CTNND2: variants seen among roughly 807,000 people sequenced by gnomAD.
The protein encoded by CTNND2 is catenin delta 2, also known as catenin delta-2.
In CTNND2, 22 loss-of-function variants were observed where a neutral mutation model predicts 144.4. The observed-to-expected ratio is 0.15, with a 90% CI of 0.11 to 0.22. The LOEUF (loss-of-function observed/expected upper bound fraction) is 0.22. CTNND2 is among the 10% of genes least tolerant of loss of function. CTNND2 has a pLI of 1.00. For synonymous variants in CTNND2, 751 were observed against 695.6 expected, an observed-to-expected ratio of 1.08 and a Z score of -1.25; for missense variants, 1,353 against 1,618.8, an observed-to-expected ratio of 0.84 and a Z score of 2.82.
At chr5:11,273,003 C>CA (rs1746175413) in intron 9 of CTNND2, among the ~76,000 whole-genome samples, 1 of 152,032 alleles carries the variant, frequency 6.6e-6, no homozygotes, top group Non-Finnish European at 1.5e-5. Flanking sequence ...TAGGCATTCT[C>CA]ACAAAAAATA....
chr5:11,151,865 C>T (rs1447223641), intron 12 of CTNND2, among the ~76,000 whole-genome samples: 1 of 152,168 alleles, frequency 6.6e-6, no homozygotes, highest in Admixed American at 6.5e-5. Flanking sequence ...ATCCCCAATA[C>T]TATTTCAGGG....
chr5:11,787,536 G>T (rs34363846), intron 1 of CTNND2, among the ~76,000 whole-genome samples: 6,502 of 152,226 alleles, frequency 0.043, 206 homozygotes, highest in Non-Finnish European at 0.062. Context: ...TAAAGCATTT[G>T]TAATGTTACC....
intron 9 of CTNND2, among the ~76,000 whole-genome samples, chr5:11,248,183 C>G (rs1222536279): frequency 6.6e-6 from 1 of 152,090 alleles, no homozygotes; most frequent in East Asian, 1.9e-4. Flanking sequence ...GGATTTGATG[C>G]CCAAAATACT....
At chr5:11,626,784 C>A (rs1162449188) in intron 2 of CTNND2, among the ~76,000 whole-genome samples, 1 of 152,208 alleles carries the variant, frequency 6.6e-6, no homozygotes, top group Non-Finnish European at 1.5e-5. Context: ...TTAAACTTCA[C>A]ACGCAAATCG....
intron 8 of CTNND2, among the ~76,000 whole-genome samples, chr5:11,363,700 C>T (rs867596547): frequency 2.0e-5 from 3 of 152,286 alleles, no homozygotes; most frequent in Middle Eastern, 3.4e-3. Context: ...GCTTGGCTTG[C>T]CTTGATTTCA....
chr5:11,799,975 T>C (rs1791592449), intron 1 of CTNND2, among the ~76,000 whole-genome samples: 1 of 152,196 alleles, frequency 6.6e-6, no homozygotes, highest in Admixed American at 6.5e-5. Flanking sequence ...GTGGTAAAGT[T>C]TGACATTCCA....
chr5:11,174,812 T>C (rs759826823), intron 11 of CTNND2, among the ~76,000 whole-genome samples: 1 of 152,192 alleles, frequency 6.6e-6, no homozygotes, highest in South Asian at 2.1e-4. Flanking sequence ...GCAGCCTCTA[T>C]TATGATTGGA....
chr5:11,696,986 A>G (rs541825820), intron 2 of CTNND2, among the ~76,000 whole-genome samples: 15 of 151,186 alleles, frequency 9.9e-5, no homozygotes, highest in Non-Finnish European at 1.9e-4. Context: ...TAAATGATAG[A>G]TATTCAGAAA....
In CTNND2 at chr5:11,552,344, C is replaced by T. The variant is rs1775834344; in HGVS notation, c.287+12600G>A. The stretch of plus-strand genomic sequence containing the variant: ...CAACTTACAATATACTTATAAATTT[C>T]TTTTAAATTGTGTTCTCCCTCATAT... On this transcript the variant is annotated intron_variant, in intron 3 of 21. Coordinates refer to ENST00000304623, the MANE Select transcript of CTNND2 (RefSeq NM_001332.4). 2.0e-5 allele frequency among the ~76,000 whole-genome samples: 3 copies of T among 152,148 alleles called. No individual in the cohort carries two copies. In the South Asian group the frequency reaches 6.2e-4, roughly 32 times the overall value.
intron 1 of CTNND2, among the ~76,000 whole-genome samples, chr5:11,859,062 A>G (rs1316287052): frequency 6.6e-6 from 1 of 152,256 alleles, no homozygotes; most frequent in African/African-American, 2.4e-5. Context: ...AGTAGATTCT[A>G]TGATGGTCAA....
chr5:11,745,572 C>G lies in CTNND2; in HGVS notation c.38-13300G>C, dbSNP rs75608559. On this transcript the variant is annotated intron_variant, in intron 1 of 21. Transcript: ENST00000304623. Reference sequence around the variant, plus strand: ...TGAGACCTCACAGTTGATGTCCATACTATACATTTGTAATAAGCCACAATC... The same window carrying G: ...TGAGACCTCACAGTTGATGTCCATAGTATACATTTGTAATAAGCCACAATC... Among the ~76,000 whole-genome samples the G allele has an allele frequency of 5.5e-3, 840 of 152,286 alleles. 10 individuals carry two copies. Among genetic ancestry groups the G allele is most frequent in the African/African-American group, 0.019 (801 of 41,562 alleles).
intron 10 of CTNND2, among the ~76,000 whole-genome samples, chr5:11,202,178 A>ATG (rs760518011): frequency 3.9e-5 from 6 of 152,206 alleles, no homozygotes; most frequent in Non-Finnish European, 8.8e-5. Flanking sequence ...TTTTATTCAT[A>ATG]TGTATATATT....
At chr5:11,742,989 G>A (rs1788101716) in intron 1 of CTNND2, among the ~76,000 whole-genome samples, 2 of 152,104 alleles carry the variant, frequency 1.3e-5, no homozygotes. Context: ...TTCTCACTCA[G>A]AAGTGCTCTG....
chr5:11,666,991 C>T (rs1284076635), intron 2 of CTNND2, among the ~76,000 whole-genome samples: 2 of 151,990 alleles, frequency 1.3e-5, no homozygotes, highest in African/African-American at 4.8e-5. Context: ...TTGTTCAATG[C>T]CCACTTAGGA....
chr5:11,740,002 A>G (rs1289792206), intron 1 of CTNND2, among the ~76,000 whole-genome samples: 1 of 152,216 alleles, frequency 6.6e-6, no homozygotes, highest in Non-Finnish European at 1.5e-5. Context: ...GGACCTCTTC[A>G]AGGAGAACTA....
At chr5:11,890,022 T>C (rs1007795592) in intron 1 of CTNND2, among the ~76,000 whole-genome samples, 1 of 152,188 alleles carries the variant, frequency 6.6e-6, no homozygotes, top group Non-Finnish European at 1.5e-5. Flanking sequence ...AGAAAATAAA[T>C]CTACTTTCAT....
At chr5:11,726,827 G>C (rs554040531) in intron 2 of CTNND2, among the ~76,000 whole-genome samples, 5 of 152,260 alleles carry the variant, frequency 3.3e-5, no homozygotes, top group African/African-American at 1.2e-4. Context: ...ACAATCAAAT[G>C]AGTTAATTCT....
At chr5:11,845,238 CT>C (rs1298629066) in intron 1 of CTNND2, among the ~76,000 whole-genome samples, 3 of 152,080 alleles carry the variant, frequency 2.0e-5, no homozygotes, top group East Asian at 3.9e-4. Flanking sequence ...ATCTTGTTTT[CT>C]TTTTTTATTA....
At chr5:11,325,619 C>T (rs1405840093) in intron 9 of CTNND2, among the ~76,000 whole-genome samples, 1 of 151,828 alleles carries the variant, frequency 6.6e-6, no homozygotes, top group African/African-American at 2.4e-5. Flanking sequence ...CTAAGCCCTC[C>T]AACCGACTGA....
Sources: allele counts gnomAD v4.1 joint callset (sites outside exome capture counted in the v4.1 genomes callset), GRCh38; gene constraint gnomAD v4.1.1; transcripts MANE v1.5; gene names NCBI Gene and HGNC (gene_info 2026-07-23, HGNC 2026-07-21).